The following PPM1H variants were observed in gnomAD, a reference collection of about 807,000 sequenced individuals.
The protein encoded by PPM1H is protein phosphatase 1H.
Under a neutral mutation model 54.9 loss-of-function variants are expected in PPM1H, and 27 were observed. The observed-to-expected ratio is 0.49, with a 90% CI of 0.36 to 0.68. The LOEUF (loss-of-function observed/expected upper bound fraction) is 0.68, where lower values mean the gene tolerates loss of function less well. Ranked by LOEUF, PPM1H falls within the 30% of genes least tolerant of loss-of-function variation. The pLI is 0.00. For missense variants in PPM1H, 596 were observed against 667.8 expected (o/e 0.89, Z 1.19); for synonymous variants, 305 against 270.8 (o/e 1.13, Z -1.24).
intron 4 of PPM1H, among the ~76,000 whole-genome samples, chr12:62,739,450 A>C (rs911241870): frequency 6.6e-6 from 1 of 152,214 alleles, no homozygotes; most frequent in African/African-American, 2.4e-5. Flanking sequence ...CAGGATCTAG[A>C]GGGCCCCTGA....
chr12:62,803,676 A>AAGATAGAT (rs2076786514), intron 2 of PPM1H, among the ~76,000 whole-genome samples: 1 of 152,248 alleles, frequency 6.6e-6, no homozygotes, highest in Non-Finnish European at 1.5e-5. Context: ...AAGCACAGGC[A>AAGATAGAT]ATGAAGCAAA....
At chr12:62,890,056 T>A (rs1179263388) in intron 1 of PPM1H, among the ~76,000 whole-genome samples, 1 of 152,162 alleles carries the variant, frequency 6.6e-6, no homozygotes, top group Non-Finnish European at 1.5e-5. Flanking sequence ...GAAAACATAC[T>A]AAGAACTCTT....
rs1486482011 is a variant in PPM1H, at chr12:62,727,655, T to TTATTATTATTATTAG, written c.955-7367_955-7366insCTAATAATAATAATA. Among the ~76,000 whole-genome samples, 23 of 147,634 alleles carry TTATTATTATTATTAG rather than the reference T, an allele frequency of 1.6e-4. No individual in the cohort carries two copies. In the South Asian group the frequency reaches 3.8e-3, roughly 25 times the overall value. On this transcript the variant is annotated intron_variant, in intron 5 of 9. Transcript: ENST00000228705. ...AATGCAAATATTATTATTATTATTA[T>TTATTATTATTATTAG]TATTATTATTATTATTATTATTTGA... is the stretch of plus-strand genomic sequence containing the variant.
At position 62,699,421 on chromosome 12, in the gene PPM1H, C is replaced by T. The variant is rs1438504054; in HGVS notation, c.1074-5422G>A. Among the ~76,000 whole-genome samples the T allele has an allele frequency of 2.0e-5, 3 of 152,188 alleles. No homozygotes were observed. In the East Asian group the frequency reaches 5.8e-4, roughly 29 times the overall value. On this transcript the variant is annotated intron_variant, in intron 6 of 9. Transcript: ENST00000228705. ...CCATGTTAGCCAGGCTGGTATTAAA[C>T]TCCTGACCTCAGGTCATACGCCTGC... is the stretch of plus-strand genomic sequence containing the variant.
chr12:62,800,742 C>G (rs1239122240), intron 3 of PPM1H, among the ~76,000 whole-genome samples: 1 of 152,176 alleles, frequency 6.6e-6, no homozygotes, highest in Non-Finnish European at 1.5e-5. Flanking sequence ...GGCTGCCGAG[C>G]AAGAAATAAA....
At chr12:62,750,535 T>C (rs2076437541) in intron 4 of PPM1H, among the ~76,000 whole-genome samples, 1 of 152,244 alleles carries the variant, frequency 6.6e-6, no homozygotes, top group Admixed American at 6.5e-5. Flanking sequence ...GACATTTGTG[T>C]TTCCATTTTT....
At chr12:62,839,662 C>CAAAAAAAA (rs34178089) in intron 1 of PPM1H, among the ~76,000 whole-genome samples, 1 of 131,234 alleles carries the variant, frequency 7.6e-6, no homozygotes. Flanking sequence ...TGAGTAAATC[C>CAAAAAAAA]AAAAAAAAAA....
chr12:62,898,154 A>C (rs1336273096), intron 1 of PPM1H, among the ~76,000 whole-genome samples: 1 of 152,218 alleles, frequency 6.6e-6, no homozygotes, highest in Non-Finnish European at 1.5e-5. Flanking sequence ...ACACTTCTGC[A>C]TTTCATTGTC....
intron 4 of PPM1H, among the ~76,000 whole-genome samples, chr12:62,777,668 CCAAAGAACTG>C (rs1246908804): frequency 3.9e-5 from 6 of 152,082 alleles, no homozygotes; most frequent in African/African-American, 1.4e-4. Flanking sequence ...AAAAAACATA[CCAAAGAACTG>C]CAGTTTGAGA....
At chr12:62,673,715 C>CTTTTTTT (rs567775927) in intron 8 of PPM1H, among the ~76,000 whole-genome samples, 479 of 41,940 alleles carry the variant, frequency 0.011, 129 homozygotes, top group East Asian at 0.036. Flanking sequence ...AAGAGCCACT[C>CTTTTTTT]TTTTTTTTTT....
At chr12:62,799,736 T>C (rs905462004) in intron 3 of PPM1H, among the ~76,000 whole-genome samples, 4 of 152,210 alleles carry the variant, frequency 2.6e-5, no homozygotes, top group African/African-American at 9.7e-5. Flanking sequence ...CATTTTATTT[T>C]TACATTTTTA....
intron 2 of PPM1H, among the ~76,000 whole-genome samples, chr12:62,811,488 C>T (rs1193656533): frequency 6.6e-6 from 1 of 152,130 alleles, no homozygotes; most frequent in African/African-American, 2.4e-5. Flanking sequence ...TTCTGTTCAC[C>T]TTTCTTATTT....
intron 1 of PPM1H, among the ~76,000 whole-genome samples, chr12:62,886,472 C>T (rs1870593369): frequency 6.6e-6 from 1 of 151,976 alleles, no homozygotes. Flanking sequence ...TAACAATAAA[C>T]AGCAGAAACT....
intron 6 of PPM1H, among the ~76,000 whole-genome samples, chr12:62,710,511 AAC>A (rs140306304): frequency 0.027 from 4,035 of 151,268 alleles, 168 homozygotes; most frequent in African/African-American, 0.091. Flanking sequence ...CAGCCTGGGC[AAC>A]AGAGTGGAGT....
intron 5 of PPM1H, among the ~76,000 whole-genome samples, chr12:62,725,883 C>T (rs1157970670): frequency 6.6e-6 from 1 of 152,102 alleles, no homozygotes; most frequent in Non-Finnish European, 1.5e-5. Flanking sequence ...CTGTCATAGT[C>T]ACCCCCCCAC....
chr12:62,921,084 C>T (rs138445408), intron 1 of PPM1H, among the ~76,000 whole-genome samples: 2 of 151,950 alleles, frequency 1.3e-5, no homozygotes, highest in African/African-American at 4.8e-5. Context: ...GCTACCACAC[C>T]CAGCTAGTTT....
intron 1 of PPM1H, among the ~76,000 whole-genome samples, chr12:62,897,191 T>C (rs1041255042): frequency 2.0e-5 from 3 of 151,956 alleles, no homozygotes; most frequent in Admixed American, 2.0e-4. Context: ...ATGGCACATG[T>C]ATACATATGT....
chr12:62,675,274 G>C (rs2075979479), intron 8 of PPM1H, among the ~76,000 whole-genome samples: 1 of 152,178 alleles, frequency 6.6e-6, no homozygotes, highest in African/African-American at 2.4e-5. Context: ...TGTGCAGAGA[G>C]CCTGAAGGTA....
chr12:62,702,528 T>A (rs1426393919), intron 6 of PPM1H, among the ~76,000 whole-genome samples: 1 of 137,454 alleles, frequency 7.3e-6, no homozygotes, highest in African/African-American at 3.0e-5. Context: ...CTCTTCTAAG[T>A]CATGACCTTG....
Sources: allele counts gnomAD v4.1 joint callset (sites outside exome capture counted in the v4.1 genomes callset), GRCh38; gene constraint gnomAD v4.1.1; transcripts MANE v1.5; gene names NCBI Gene and HGNC (gene_info 2026-07-23, HGNC 2026-07-21).